Variants in DLGAP1 observed in about 807,000 individuals in gnomAD.
The protein encoded by DLGAP1 is DLG associated protein 1, also known as disks large-associated protein 1.
DLGAP1 carries 11 observed loss-of-function variants against 90.8 expected under a neutral mutation model. The ratio of observed to expected loss-of-function variants is 0.12; its 90% CI spans 0.08 to 0.20. The LOEUF (loss-of-function observed/expected upper bound fraction) is 0.20, where lower values mean the gene tolerates loss of function less well. Ranked by LOEUF, DLGAP1 falls within the 10% of genes least tolerant of loss-of-function variation. The pLI is 1.00. For missense variants in DLGAP1, 1,050 were observed against 1,333.8 expected, an observed-to-expected ratio of 0.79 and a Z score of 3.31; for synonymous variants, 558 against 540.7, an observed-to-expected ratio of 1.03 and a Z score of -0.44.
chr18:3,865,352 G>A (rs999966282), intron 4 of DLGAP1, among the ~76,000 whole-genome samples: 10 of 152,160 alleles, frequency 6.6e-5, no homozygotes, highest in African/African-American at 2.2e-4. Flanking sequence ...TAAACACAAG[G>A]AGCCTTGAGT....
At chr18:3,591,568 T>C (rs1190015662) in intron 7 of DLGAP1, among the ~76,000 whole-genome samples, 2 of 151,524 alleles carry the variant, frequency 1.3e-5, no homozygotes, top group East Asian at 3.9e-4. Flanking sequence ...GCCTTCCAAG[T>C]AGGTGGCACC....
intron 7 of DLGAP1, among the ~76,000 whole-genome samples, chr18:3,684,356 A>ATTTTATT (rs1485686739): frequency 2.3e-4 from 25 of 109,268 alleles, no homozygotes; most frequent in Non-Finnish European, 7.1e-5. Context: ...TGCCTGGCTA[A>ATTTTATT]TTTTTTTTTT....
intron 5 of DLGAP1, among the ~76,000 whole-genome samples, chr18:3,792,317 C>T (rs1468578862): frequency 6.6e-6 from 1 of 152,032 alleles, no homozygotes; most frequent in Non-Finnish European, 1.5e-5. Flanking sequence ...CCTGTCTCTA[C>T]TAAAAACACA....
At chr18:3,738,688 G>T (rs1317093856) in intron 6 of DLGAP1, among the ~76,000 whole-genome samples, 7,337 of 150,384 alleles carry the variant, frequency 0.049, 464 homozygotes, top group African/African-American at 0.17. Context: ...GAAAACCTAG[G>T]CAATACCATT....
intron 9 of DLGAP1, 70 bp from the exon 10 acceptor site, chr18:3,534,685 CCTTTCTTTCTT>C: frequency 8.3e-7 from 1 of 1,207,514 alleles, no homozygotes; most frequent in South Asian, 1.7e-5. Flanking sequence ...TTCCTTCCTT[CCTTTCTTTCTT>C]TTTTTTTTTT....
chr18:4,049,732 T>C (rs2075105218), intron 2 of DLGAP1, among the ~76,000 whole-genome samples: 1 of 152,158 alleles, frequency 6.6e-6, no homozygotes, highest in African/African-American at 2.4e-5. Flanking sequence ...GCTTACCCCA[T>C]TGTAATCATG....
intron 1 of DLGAP1, among the ~76,000 whole-genome samples, chr18:4,167,853 A>G (rs1431395582): frequency 6.6e-6 from 1 of 152,218 alleles, no homozygotes; most frequent in Non-Finnish European, 1.5e-5. Context: ...AATGCTGCAA[A>G]GAAAATGAAG....
intron 2 of DLGAP1, among the ~76,000 whole-genome samples, chr18:4,149,855 C>T (rs558518315): frequency 6.6e-6 from 1 of 152,074 alleles, no homozygotes; most frequent in East Asian, 1.9e-4. Context: ...GGACCACTGC[C>T]TTACAGTGTA....
At chr18:4,167,556 T>A (rs1392195979) in intron 1 of DLGAP1, among the ~76,000 whole-genome samples, 1 of 152,172 alleles carries the variant, frequency 6.6e-6, no homozygotes, top group East Asian at 1.9e-4. Flanking sequence ...CTGATAAAAC[T>A]GCAAGGTGAA....
chr18:4,201,185 T>C (rs1486793300), intron 1 of DLGAP1, among the ~76,000 whole-genome samples: 2 of 152,110 alleles, frequency 1.3e-5, no homozygotes, highest in African/African-American at 2.4e-5. Context: ...TTTTGAGGCA[T>C]TTGCTTTTGG....
intron 1 of DLGAP1, among the ~76,000 whole-genome samples, chr18:4,356,798 G>A (rs1477302727): frequency 6.6e-6 from 1 of 152,128 alleles, no homozygotes; most frequent in Non-Finnish European, 1.5e-5. Flanking sequence ...TATATATTTT[G>A]TTGTTTGTTA....
intron 1 of DLGAP1, among the ~76,000 whole-genome samples, chr18:4,333,015 CCTGCTTTCCTGTGTAA>C (rs1358258673): frequency 6.6e-6 from 1 of 151,922 alleles, no homozygotes; most frequent in Non-Finnish European, 1.5e-5. Context: ...TACATATTAT[CCTGCTTTCCTGTGTAA>C]CTGTTTCATA....
At chr18:3,634,050 T>C (rs1178299345) in intron 7 of DLGAP1, among the ~76,000 whole-genome samples, 1 of 152,216 alleles carries the variant, frequency 6.6e-6, no homozygotes, top group Non-Finnish European at 1.5e-5. Context: ...TTATGTATGT[T>C]ATGATTCCAT....
intron 4 of DLGAP1, among the ~76,000 whole-genome samples, chr18:3,858,171 A>G (rs768382619): frequency 1.3e-5 from 2 of 152,202 alleles, no homozygotes; most frequent in Non-Finnish European, 2.9e-5. Context: ...AGTTGGAAGT[A>G]TTGACAGGCA....
intron 1 of DLGAP1, among the ~76,000 whole-genome samples, chr18:4,226,259 A>C (rs2078184799): frequency 6.6e-6 from 1 of 152,154 alleles, no homozygotes; most frequent in African/African-American, 2.4e-5. Context: ...AAAAGCTGAA[A>C]TATTTCATCA....
chr18:3,846,604 T>C (rs1364866939), intron 4 of DLGAP1, among the ~76,000 whole-genome samples: 1 of 152,112 alleles, frequency 6.6e-6, no homozygotes, highest in African/African-American at 2.4e-5. Context: ...CAATAAAACA[T>C]TATTTGGAAT....
At chr18:4,349,074 A>T (rs2081357383) in intron 1 of DLGAP1, among the ~76,000 whole-genome samples, 1 of 152,164 alleles carries the variant, frequency 6.6e-6, no homozygotes, top group Non-Finnish European at 1.5e-5. Context: ...CAAGGGAAAA[A>T]TATAAATTTA....
At chr18:3,901,382 G>C (rs963794935) in intron 3 of DLGAP1, among the ~76,000 whole-genome samples, 2 of 152,116 alleles carry the variant, frequency 1.3e-5, no homozygotes, top group African/African-American at 4.8e-5. Context: ...CCACTGTGGG[G>C]TGACCACGGT....
At chr18:3,801,686 T>C (rs2148331160) in intron 5 of DLGAP1, among the ~76,000 whole-genome samples, 1 of 152,296 alleles carries the variant, frequency 6.6e-6, no homozygotes, top group African/African-American at 2.4e-5. Flanking sequence ...GTCATTACTA[T>C]TCTTCAAGGT....
Sources: gnomAD v4.1 joint callset for allele counts (sites outside exome capture counted in the v4.1 genomes callset) on GRCh38, gnomAD v4.1.1 for gene constraint, MANE v1.5 for transcripts, NCBI Gene and HGNC (gene_info 2026-07-23, HGNC 2026-07-21) for gene names.